The following AK7 variants were observed in gnomAD, a reference collection of about 807,000 sequenced individuals.
AK7 encodes ATP-AMP transphosphorylase 7.
Under a neutral mutation model 96.6 loss-of-function variants are expected in AK7, and 78 were observed. The observed-to-expected ratio is 0.81, with a 90% CI of 0.67 to 0.97. AK7 has a LOEUF of 0.97. AK7 is among the 50% of genes least tolerant of loss of function. The pLI, the probability that AK7 is intolerant of heterozygous loss-of-function variation, is 0.00. For synonymous variants in AK7, 302 were observed against 317.2 expected (o/e 0.95, Z 0.51); for missense variants, 855 against 887.9 (o/e 0.96, Z 0.47).
At chr14:96,463,529 C>T (rs1393712430) in intron 12 of AK7, among the ~76,000 whole-genome samples, 1 of 151,832 alleles carries the variant, frequency 6.6e-6, no homozygotes, top group African/African-American at 2.4e-5. Context: ...ACCATCCTGG[C>T]TAACACAGTG....
chr14:96,392,262 G>A lies in AK7; in HGVS notation c.105+3G>A, dbSNP rs766798283. ...ACAGCAGCGGAAACATCGGGAAGGTGAGCGGCGGCGGCGGCCCAGAGCCTC... is the reference window on the plus strand; with the variant it reads ...ACAGCAGCGGAAACATCGGGAAGGTAAGCGGCGGCGGCGGCCCAGAGCCTC... On this transcript the variant is annotated splice_donor_region_variant and intron_variant, in intron 1 of 17. Coordinates refer to ENST00000267584, the MANE Select transcript of AK7 (RefSeq NM_152327.5). 6.2e-7 allele frequency: 1 copy of A among 1,610,506 alleles called. No individual in the cohort carries two copies. Among genetic ancestry groups the A allele is most frequent in the Non-Finnish European group, 8.5e-7 (1 of 1,176,964 alleles).
At chr14:96,432,307 T>G (rs1463380133) in intron 5 of AK7, among the ~76,000 whole-genome samples, 2 of 147,568 alleles carry the variant, frequency 1.4e-5, no homozygotes, top group African/African-American at 4.9e-5. Flanking sequence ...GTCCCCTGAA[T>G]ACAGCACACT....
intron 2 of AK7, among the ~76,000 whole-genome samples, chr14:96,401,221 G>A (rs763092064): frequency 1.3e-5 from 2 of 152,214 alleles, no homozygotes; most frequent in Non-Finnish European, 2.9e-5. Context: ...GACAGTAGAT[G>A]TGGGGACAGA....
chr14:96,432,761 G>A (rs866509601), intron 5 of AK7, among the ~76,000 whole-genome samples: 1 of 149,970 alleles, frequency 6.7e-6, no homozygotes. Context: ...ACGGCAGGCA[G>A]ATCACAAGGT....
At chr14:96,416,620 C>T (rs748729455) in intron 4 of AK7, among the ~76,000 whole-genome samples, 1 of 152,170 alleles carries the variant, frequency 6.6e-6, no homozygotes, top group African/African-American at 2.4e-5. Context: ...AGGATCACGG[C>T]TGTAACCCCT....
At chr14:96,438,561 C>G (rs1183123233) in intron 6 of AK7, among the ~76,000 whole-genome samples, 1 of 152,200 alleles carries the variant, frequency 6.6e-6, no homozygotes, top group African/African-American at 2.4e-5. Flanking sequence ...GAAGACCAAT[C>G]TAGATCAATC....
chr14:96,408,673 G>T (rs1008148965), intron 3 of AK7, among the ~76,000 whole-genome samples, 174 bp from the exon 4 acceptor site: 1 of 152,242 alleles, frequency 6.6e-6, no homozygotes, highest in Admixed American at 6.5e-5. Context: ...TCGGATACAG[G>T]TAGCGAGAAA....
At chr14:96,417,821 A>G (rs540607775) in intron 4 of AK7, among the ~76,000 whole-genome samples, 1 of 152,298 alleles carries the variant, frequency 6.6e-6, no homozygotes, top group South Asian at 2.1e-4. Flanking sequence ...TCAGAATATC[A>G]CAGGTACCTC....
chr14:96,483,241 G>T, intron 16 of AK7, 22 bp downstream of exon 16: 2 of 1,571,736 alleles, frequency 1.3e-6, no homozygotes, highest in East Asian at 2.3e-5. Flanking sequence ...GTGTGTTTGT[G>T]AGTCTGTGTA....
intron 7 of AK7, among the ~76,000 whole-genome samples, chr14:96,444,705 G>A (rs753435123): frequency 4.0e-5 from 6 of 151,776 alleles, no homozygotes; most frequent in Non-Finnish European, 7.4e-5. Context: ...CTAACCTATC[G>A]GTTATCTTTC....
chr14:96,475,019 T>A (rs1379173023), intron 14 of AK7, among the ~76,000 whole-genome samples: 1 of 152,212 alleles, frequency 6.6e-6, no homozygotes, highest in Non-Finnish European at 1.5e-5. Flanking sequence ...AAACAATTAA[T>A]GAAACCTGCC....
intron 14 of AK7, among the ~76,000 whole-genome samples, chr14:96,475,336 A>G (rs1895114844): frequency 6.6e-6 from 1 of 152,228 alleles, no homozygotes; most frequent in Non-Finnish European, 1.5e-5. Flanking sequence ...AGATGGGGGC[A>G]CATGGGGAAT....
intron 15 of AK7, 78 bp downstream of exon 15, chr14:96,478,740 G>C: frequency 7.0e-7 from 1 of 1,435,630 alleles, no homozygotes; most frequent in Non-Finnish European, 9.6e-7. Flanking sequence ...TGTAATTGTG[G>C]GGCTGGGGGG....
rs536202585 is a variant in AK7, at chr14:96,470,702, G to A, written c.1358-776G>A. Among the ~76,000 whole-genome samples the A allele has an allele frequency of 4.6e-5, 7 of 152,240 alleles. No individual in the cohort carries two copies. The East Asian group carries it at 1.2e-3, about 25-fold the overall frequency. ...ACAGAGAAAAGTGCCTTTGAGGGTC[G>A]GGTCAAGTTTGATTGTTAGTCAAAT... On this transcript the variant is annotated intron_variant, in intron 12 of 17. Transcript: ENST00000267584.
intron 4 of AK7, among the ~76,000 whole-genome samples, chr14:96,411,904 A>G (rs1341284276): frequency 2.0e-5 from 3 of 152,244 alleles, no homozygotes; most frequent in Admixed American, 2.0e-4. Context: ...TACAAAACCC[A>G]TGGTCAGAGA....
At chr14:96,404,152 A>G (rs1285511777) in intron 2 of AK7, among the ~76,000 whole-genome samples, 1 of 55,838 alleles carries the variant, frequency 1.8e-5, no homozygotes, top group South Asian at 9.7e-4. Context: ...TCTCAAATTA[A>G]AAAAAAAAAA....
chr14:96,469,058 A>G (rs1167731866), intron 12 of AK7, among the ~76,000 whole-genome samples: 1 of 152,138 alleles, frequency 6.6e-6, no homozygotes, highest in Non-Finnish European at 1.5e-5. Context: ...TTACCAAAAA[A>G]TGCTGCTGGA....
At chr14:96,463,560 A>G (rs894608757) in intron 12 of AK7, among the ~76,000 whole-genome samples, 6 of 151,808 alleles carry the variant, frequency 4.0e-5, no homozygotes, top group African/African-American at 1.4e-4. Context: ...TCTACTAAAA[A>G]TTCAAAAAAA....
rs771613290 is a variant in AK7, at chr14:96,472,755, G to A, written c.1555G>A (p.Glu519Lys). The change falls in exon 14 of 18, where the codon GAA becomes AAA. Residue 519 changes from glutamate to lysine, a missense_variant and splice_region_variant. Coordinates refer to ENST00000267584, the MANE Select transcript of AK7 (RefSeq NM_152327.5). ...MFPFDKLIIP[E>K]FVCALDASDE... ...TCCCTTTGATAAATTAATTATACCT[G>A]GTAAGTTTATTTCCCTAAGATCACA... The A allele has an allele frequency of 6.2e-7, 1 of 1,608,198 alleles. No homozygotes were observed. Among genetic ancestry groups the A allele is most frequent in the Non-Finnish European group, 8.5e-7 (1 of 1,175,164 alleles).
Sources: allele counts gnomAD v4.1 joint callset (sites outside exome capture counted in the v4.1 genomes callset), GRCh38; gene constraint gnomAD v4.1.1; transcripts MANE v1.5; gene names NCBI Gene and HGNC (gene_info 2026-07-23, HGNC 2026-07-21).